The following ZNF439 variants were observed in gnomAD, a reference collection of about 807,000 sequenced individuals.
ZNF439 encodes zinc finger protein 439.
In ZNF439, 40 loss-of-function variants were observed where a neutral mutation model predicts 47.3. The ratio of observed to expected loss-of-function variants is 0.85; its 90% CI spans 0.66 to 1.10. The LOEUF (loss-of-function observed/expected upper bound fraction) is 1.10, where lower values mean the gene tolerates loss of function less well. ZNF439 is among the 50% of genes least tolerant of loss of function. The pLI is 0.00. For synonymous variants in ZNF439, 171 were observed against 198.8 expected (o/e 0.86, Z 1.18); for missense variants, 556 against 601.1 (o/e 0.93, Z 0.78).
intron 3 of ZNF439, 127 bp downstream of exon 3, chr19:11,866,724 T>C: frequency 1.0e-6 from 1 of 990,142 alleles, no homozygotes; most frequent in South Asian, 1.8e-5. Context: ...CAATATTTTA[T>C]CTAAAAATAT....
chr19:11,868,127 C>T lies in ZNF439; in HGVS notation c.1073C>T (p.Pro358Leu), dbSNP rs1336740720. The T allele has an allele frequency of 1.2e-6, 2 of 1,614,142 alleles. No individual in the cohort carries two copies. Among genetic ancestry groups the T allele is most frequent in the South Asian group, 1.1e-5 (1 of 91,086 alleles). ...ATAAGAATGCACTCTGGAGAAAGAC[C>T]TTATGAATGTAAGACATGTGGGAAA... ...THIRMHSGER[P>L]YECKTCGKGF... is the part of the protein sequence containing the mutation. Residue 358 changes from proline to leucine, a missense_variant, in exon 4 of 4, where the codon CCT (proline) becomes CTT (leucine). Transcript: ENST00000682736.
intron 1 of ZNF439, among the ~76,000 whole-genome samples, chr19:11,854,982 A>G (rs1976347141): frequency 6.6e-6 from 1 of 152,320 alleles, no homozygotes; most frequent in Non-Finnish European, 1.5e-5. Flanking sequence ...ATTGGATAGT[A>G]TCCCAACCCC....
chr19:11,859,190 A>C (rs1173836360), intron 1 of ZNF439, among the ~76,000 whole-genome samples: 1 of 152,220 alleles, frequency 6.6e-6, no homozygotes, highest in African/African-American at 2.4e-5. Flanking sequence ...GTAATCTTTC[A>C]AGAAAATGTG....
intron 1 of ZNF439, among the ~76,000 whole-genome samples, chr19:11,859,984 G>A (rs951513296): frequency 4.6e-5 from 7 of 152,100 alleles, no homozygotes; most frequent in African/African-American, 1.7e-4. Context: ...GAAAACAGAA[G>A]GATCAACTTT....
At chr19:11,858,509 G>C (rs1599317158) in intron 1 of ZNF439, among the ~76,000 whole-genome samples, 2 of 151,260 alleles carry the variant, frequency 1.3e-5, no homozygotes, top group South Asian at 4.2e-4. Context: ...CAAGAGGCCA[G>C]TCTCTAGGAA....
At chr19:11,858,534 G>C (rs527245379) in intron 1 of ZNF439, among the ~76,000 whole-genome samples, 1 of 151,718 alleles carries the variant, frequency 6.6e-6, no homozygotes, top group East Asian at 2.0e-4. Flanking sequence ...GGCTGCAGAT[G>C]GCAAGCCTTG....
chr19:11,849,025 C>A, intron 1 of ZNF439, 95 bp downstream of exon 1: 1 of 1,357,226 alleles, frequency 7.4e-7, no homozygotes, highest in Non-Finnish European at 9.7e-7. Context: ...GGGTCTGGGA[C>A]CGAGTCCTCC....
rs1976792132 is a variant in ZNF439, at chr19:11,868,870, A to T, written c.*301A>T. ...CATAATTTCTCTTCTTTTCAAATAC[A>T]TGAAAGTTGCACAGAGGAGAGGCGC... On this transcript the variant is annotated 3_prime_UTR_variant, in exon 4 of 4. Transcript: ENST00000682736. 2.4e-6 allele frequency: 1 copy of T among 421,224 alleles called. No homozygotes were observed. 26.1% of individuals were successfully genotyped at this position (421,224 alleles called of 1,614,324 possible).
intron 1 of ZNF439, among the ~76,000 whole-genome samples, chr19:11,852,445 A>G (rs911808903): frequency 6.6e-6 from 1 of 152,178 alleles, no homozygotes; most frequent in Non-Finnish European, 1.5e-5. Context: ...CAACCCCATG[A>G]TCACATTGCT....
chr19:11,864,391 G>C (rs971756409), intron 1 of ZNF439, among the ~76,000 whole-genome samples: 3 of 152,066 alleles, frequency 2.0e-5, no homozygotes, highest in African/African-American at 7.2e-5. Flanking sequence ...TCTGCCTCCC[G>C]GGTTCAAAGG....
chr19:11,867,648 A>G lies in ZNF439; in HGVS notation c.594A>G (p.Lys198=). 1 of 1,614,126 alleles carries G rather than the reference A, an allele frequency of 6.2e-7. No individual in the cohort carries two copies. The highest frequency in any genetic ancestry group is 8.5e-7 in the Non-Finnish European group (1 of 1,180,006). Residue 198 remains lysine, a synonymous_variant, in exon 4 of 4, where the codon AAA becomes AAG. Coordinates refer to ENST00000682736, the MANE Select transcript of ZNF439 (RefSeq NM_001348719.2). ...CCTATGCTTGTAAAGAATGTGGAAA[A>G]AACATTATTTACCATTCAAGCATTC... ...KKPYACKECG[K]NIIYHSSIQR...
chr19:11,855,769 G>A (rs934875703), intron 1 of ZNF439, among the ~76,000 whole-genome samples: 1 of 152,198 alleles, frequency 6.6e-6, no homozygotes, highest in African/African-American at 2.4e-5. Context: ...ATGGCATCAG[G>A]GGTTTTTGCC....
chr19:11,854,266 A>G (rs1349115628), intron 1 of ZNF439, among the ~76,000 whole-genome samples: 1 of 152,258 alleles, frequency 6.6e-6, no homozygotes, highest in African/African-American at 2.4e-5. Flanking sequence ...GTGATGGAGT[A>G]CATCACAACA....
At position 11,868,069 on chromosome 19, in the gene ZNF439, G is replaced by C. The variant is rs764504186; in HGVS notation, c.1015G>C (p.Ala339Pro). The change falls in exon 4 of 4, where the codon GCA becomes CCA. Residue 339 changes from alanine (A) to proline (P), a missense_variant. By Grantham distance (27) the Ala-to-Pro change is conservative (BLOSUM62 -1). Transcript: ENST00000682736. ...TTATGAATGTAAGCAGTGTGGGAAAGCATTATCCTCTCTTACAAGTTTTCA... is the reference window on the plus strand; with the variant it reads ...TTATGAATGTAAGCAGTGTGGGAAACCATTATCCTCTCTTACAAGTTTTCA... The part of the protein sequence containing the change: ...KLYECKQCGK[A>P]LSSLTSFQTH... 1 of 1,614,188 alleles carries C rather than the reference G, an allele frequency of 6.2e-7. No homozygotes were observed. The highest frequency in any genetic ancestry group is 1.1e-5 in the South Asian group (1 of 91,088).
chr19:11,861,105 G>A (rs545679764), intron 1 of ZNF439, among the ~76,000 whole-genome samples: 1 of 152,028 alleles, frequency 6.6e-6, no homozygotes, highest in Non-Finnish European at 1.5e-5. Context: ...CGGGATGCAG[G>A]GCCTCAAATC....
chr19:11,864,840 G>A (rs1251703343), intron 1 of ZNF439, among the ~76,000 whole-genome samples: 1 of 151,714 alleles, frequency 6.6e-6, no homozygotes, highest in East Asian at 1.9e-4. Flanking sequence ...TGTTGCCCAG[G>A]CTGGAGTGCA....
intron 1 of ZNF439, among the ~76,000 whole-genome samples, chr19:11,862,460 G>C (rs1194098205): frequency 1.3e-5 from 2 of 151,682 alleles, no homozygotes; most frequent in Non-Finnish European, 2.9e-5. Context: ...TCTAATTTTG[G>C]CAGTTATGAG....
At chr19:11,854,990 C>T (rs1005641235) in intron 1 of ZNF439, among the ~76,000 whole-genome samples, 2 of 152,100 alleles carry the variant, frequency 1.3e-5, no homozygotes, top group African/African-American at 4.8e-5. Flanking sequence ...GTATCCCAAC[C>T]CCGATGCTGC....
At chr19:11,849,112 C>A in intron 1 of ZNF439, 182 bp downstream of exon 1, 1 of 1,164,060 alleles carries the variant, frequency 8.6e-7, no homozygotes, top group Non-Finnish European at 1.1e-6. Flanking sequence ...GCGTCCTGTC[C>A]CGTCCCTGCC....
Sources: allele counts gnomAD v4.1 joint callset (sites outside exome capture counted in the v4.1 genomes callset), GRCh38; gene constraint gnomAD v4.1.1; transcripts MANE v1.5; gene names NCBI Gene and HGNC (gene_info 2026-07-23, HGNC 2026-07-21).